The following PCDH15 variants were observed in gnomAD, a reference collection of about 807,000 sequenced individuals.
PCDH15 encodes the protein protocadherin related 15.
In PCDH15, 129 loss-of-function variants were observed where a neutral mutation model predicts 178.5. That is an observed-to-expected ratio of 0.72 (90% CI 0.63 to 0.84). PCDH15 has a LOEUF of 0.84. PCDH15 is among the 40% of genes least tolerant of loss of function. The pLI is 0.00. For missense variants in PCDH15, 2,230 were observed against 2,099.9 expected (o/e 1.06, Z -1.21); for synonymous variants, 800 against 732.0 (o/e 1.09, Z -1.50).
At chr10:54,079,938 C>A (rs956941636) in intron 16 of PCDH15, among the ~76,000 whole-genome samples, 1 of 151,980 alleles carries the variant, frequency 6.6e-6, no homozygotes, top group Non-Finnish European at 1.5e-5. Flanking sequence ...ATAACAGAGA[C>A]CCATTGTACA....
intron 27 of PCDH15, among the ~76,000 whole-genome samples, 192 bp downstream of exon 27, chr10:53,866,446 AATAT>A (rs55793083): frequency 6.1e-4 from 89 of 145,788 alleles, no homozygotes; most frequent in Middle Eastern, 3.6e-3. Context: ...TGTTTTTGTA[AATAT>A]ATATATATAT....
At chr10:55,407,991 T>C (rs1838241519) in intron 2 of PCDH15, among the ~76,000 whole-genome samples, 1 of 151,934 alleles carries the variant, frequency 6.6e-6, no homozygotes, top group African/African-American at 2.4e-5. Context: ...AAAGGAGATC[T>C]CACAGAGGCA....
intron 2 of PCDH15, among the ~76,000 whole-genome samples, chr10:54,560,971 T>C (rs921648137): frequency 2.0e-5 from 3 of 152,138 alleles, no homozygotes; most frequent in African/African-American, 4.8e-5. Flanking sequence ...TGATTTTGAA[T>C]AAGCATCTGT....
rs1564769859 is a variant in PCDH15, at chr10:54,242,173, TATATATATATATATAC to T, written c.877-5258_877-5243del. On this transcript the variant is annotated intron_variant, in intron 8 of 37. Transcript: ENST00000644397. ...ATATATATATATATATATATATATA[TATATATATATATATAC>T]ACACACACACATACATACATACACA... Among the ~76,000 whole-genome samples the T allele has an allele frequency of 4.3e-3, 438 of 100,880 alleles. 27 individuals carry two copies. The highest frequency in any genetic ancestry group is 0.013 in the African/African-American group (332 of 24,708). 66.2% of individuals were successfully genotyped at this position (100,880 alleles called of 152,430 possible). A position where few individuals can be genotyped will look rare whatever the true frequency, so the allele number is the denominator to read the frequency against.
chr10:54,269,938 A>C, intron 8 of PCDH15, among the ~76,000 whole-genome samples: 1 of 152,192 alleles, frequency 6.6e-6, no homozygotes, highest in Middle Eastern at 3.4e-3. Flanking sequence ...AGTAGTAATT[A>C]TGATTATGCC....
At chr10:55,608,063 C>T (rs979189540) in intron 2 of PCDH15, among the ~76,000 whole-genome samples, 2 of 151,922 alleles carry the variant, frequency 1.3e-5, no homozygotes, top group Admixed American at 6.6e-5. Context: ...TGAAAGAAAC[C>T]TTTGGTTTGT....
intron 3 of PCDH15, among the ~76,000 whole-genome samples, chr10:54,461,462 A>C (rs2077160805): frequency 1.3e-5 from 2 of 152,122 alleles, no homozygotes; most frequent in African/African-American, 2.4e-5. Flanking sequence ...TGTGTGATTT[A>C]ACTACCAAGT....
At chr10:54,412,702 C>T (rs1953724050) in intron 3 of PCDH15, among the ~76,000 whole-genome samples, 2 of 152,108 alleles carry the variant, frequency 1.3e-5, no homozygotes, top group African/African-American at 4.8e-5. Context: ...ACCAACATTA[C>T]CTTGTTGCAT....
intron 18 of PCDH15, among the ~76,000 whole-genome samples, chr10:54,034,948 C>A (rs1446959889): frequency 6.6e-6 from 1 of 151,742 alleles, no homozygotes; most frequent in South Asian, 2.1e-4. Flanking sequence ...ATCCTTTTTT[C>A]TTTCTGGTAA....
chr10:54,751,914 T>G (rs967723168), intron 1 of PCDH15, among the ~76,000 whole-genome samples: 9 of 152,170 alleles, frequency 5.9e-5, no homozygotes. Context: ...ATACTGCCAT[T>G]TAATGCTATT....
intron 2 of PCDH15, among the ~76,000 whole-genome samples, chr10:54,611,022 A>G (rs772244052): frequency 2.0e-5 from 3 of 151,888 alleles, no homozygotes; most frequent in Non-Finnish European, 4.4e-5. Context: ...CAAATATTTC[A>G]TTAAATATAT....
intron 2 of PCDH15, among the ~76,000 whole-genome samples, chr10:55,483,930 A>G (rs1004838957): frequency 1.3e-5 from 2 of 151,890 alleles, no homozygotes; most frequent in African/African-American, 4.8e-5. Context: ...TTGACTGGAT[A>G]AAGATGTGGT....
At chr10:55,147,170 C>G (rs1464017464) in intron 2 of PCDH15, among the ~76,000 whole-genome samples, 1 of 151,278 alleles carries the variant, frequency 6.6e-6, no homozygotes, top group Non-Finnish European at 1.5e-5. Flanking sequence ...TATTATATGA[C>G]TGGTGTGTCT....
intron 2 of PCDH15, among the ~76,000 whole-genome samples, chr10:55,092,924 A>G (rs920311278): frequency 3.9e-5 from 6 of 152,026 alleles, no homozygotes; most frequent in African/African-American, 9.6e-5. Context: ...TTTTTAATAC[A>G]TATATCTGAA....
intron 1 of PCDH15, among the ~76,000 whole-genome samples, chr10:54,787,645 G>A (rs192321094): frequency 1.1e-3 from 161 of 151,922 alleles, no homozygotes; most frequent in Admixed American, 4.3e-3. Flanking sequence ...TCCCTTCATG[G>A]GGCAGAAAAA....
chr10:54,586,106 T>C, intron 2 of PCDH15, among the ~76,000 whole-genome samples: 1 of 152,178 alleles, frequency 6.6e-6, no homozygotes, highest in East Asian at 1.9e-4. Flanking sequence ...TTGATTATGT[T>C]CACCTCTGTA....
chr10:53,965,478 G>T (rs1405746816), intron 21 of PCDH15, among the ~76,000 whole-genome samples: 1 of 152,182 alleles, frequency 6.6e-6, no homozygotes, highest in Non-Finnish European at 1.5e-5. Context: ...TAAAACCGAA[G>T]TCTTTTAATA....
intron 1 of PCDH15, among the ~76,000 whole-genome samples, chr10:55,170,589 A>G (rs1339963728): frequency 6.6e-6 from 1 of 152,178 alleles, no homozygotes; most frequent in African/African-American, 2.4e-5. Context: ...CACTGGTAGA[A>G]AGCATAATTG....
At chr10:54,292,552 T>C (rs1434463822) in intron 8 of PCDH15, among the ~76,000 whole-genome samples, 1 of 152,200 alleles carries the variant, frequency 6.6e-6, no homozygotes, top group Non-Finnish European at 1.5e-5. Context: ...GCAGATGACA[T>C]GATTGCATAT....
Sources: gnomAD v4.1 joint callset for allele counts (sites outside exome capture counted in the v4.1 genomes callset) on GRCh38, gnomAD v4.1.1 for gene constraint, MANE v1.5 for transcripts, NCBI Gene and HGNC (gene_info 2026-07-23, HGNC 2026-07-21) for gene names.